THSD7A: variants seen among roughly 807,000 people sequenced by gnomAD.
THSD7A encodes thrombospondin type-1 domain-containing protein 7A.
A neutral mutation model predicts 231.3 loss-of-function variants in THSD7A; 96 were observed. The ratio of observed to expected loss-of-function variants is 0.41; its 90% CI spans 0.35 to 0.49. THSD7A has a LOEUF of 0.49. Among genes scored for constraint, THSD7A ranks in the 20% least tolerant of loss-of-function variants. The pLI is 0.05. For synonymous variants in THSD7A, 940 were observed against 743.3 expected (o/e 1.26, Z -4.30); for missense variants, 2,290 against 2,070.2 (o/e 1.11, Z -2.06).
chr7:11,818,782 T>G (rs1429451508), intron 1 of THSD7A, among the ~76,000 whole-genome samples: 1 of 152,212 alleles, frequency 6.6e-6, no homozygotes, highest in Non-Finnish European at 1.5e-5. Flanking sequence ...CCTTCTACTT[T>G]GGGATATCAT....
intron 13 of THSD7A, among the ~76,000 whole-genome samples, chr7:11,437,840 C>T (rs1410310368): frequency 1.3e-5 from 2 of 152,010 alleles, no homozygotes; most frequent in Non-Finnish European, 1.5e-5. Flanking sequence ...TAATACATTT[C>T]AGTTACTTTA....
intron 4 of THSD7A, among the ~76,000 whole-genome samples, chr7:11,589,251 A>G (rs1192908908): frequency 6.6e-6 from 1 of 151,774 alleles, no homozygotes; most frequent in East Asian, 1.9e-4. Flanking sequence ...CTTTCCTCTC[A>G]TCTCCTTTCC....
At chr7:11,715,630 C>G (rs1032906296) in intron 1 of THSD7A, among the ~76,000 whole-genome samples, 1 of 151,394 alleles carries the variant, frequency 6.6e-6, no homozygotes, top group Non-Finnish European at 1.5e-5. Context: ...AAATGGAATT[C>G]TATTTTTGCT....
Position 11,429,125 on chromosome 7 carries a change from C to G in THSD7A, c.3065G>C (p.Gly1022Ala). The change falls in exon 14 of 28, where the codon GGT becomes GCT. Residue 1022 changes from glycine to alanine, a missense_variant and splice_region_variant. By Grantham distance (60) the Gly-to-Ala change is moderately conservative (BLOSUM62 0). Coordinates refer to ENST00000423059, the MANE Select transcript of THSD7A (RefSeq NM_015204.3). ...LVETSRCNSH[G>A]YIEEACIIPC... Reference sequence around the variant, plus strand: ...GATGATGCAGGCCTCCTCAATGTAACCTGAGTAGAGGAAAATGAGACAAGA... The same window carrying G: ...GATGATGCAGGCCTCCTCAATGTAAGCTGAGTAGAGGAAAATGAGACAAGA... The G allele has an allele frequency of 6.4e-7, 1 of 1,573,512 alleles. No homozygotes were observed. Among genetic ancestry groups the G allele is most frequent in the Non-Finnish European group, 8.6e-7 (1 of 1,163,804 alleles).
At chr7:11,760,959 A>C (rs899510048) in intron 1 of THSD7A, among the ~76,000 whole-genome samples, 2 of 148,214 alleles carry the variant, frequency 1.3e-5, no homozygotes, top group Non-Finnish European at 3.0e-5. Context: ...ATAAATTATA[A>C]ATTATAATTT....
intron 6 of THSD7A, among the ~76,000 whole-genome samples, chr7:11,486,094 C>T (rs1786645297): frequency 6.6e-6 from 1 of 152,122 alleles, no homozygotes; most frequent in African/African-American, 2.4e-5. Flanking sequence ...CAGGCAACTT[C>T]ATAACTTGTC....
At chr7:11,485,213 C>T (rs17632075) in intron 6 of THSD7A, among the ~76,000 whole-genome samples, 20,195 of 151,996 alleles carry the variant, frequency 0.13, 1,494 homozygotes, top group Middle Eastern at 0.19. Flanking sequence ...TAAAAGATCC[C>T]CAGGTAATTT....
chr7:11,651,863 GTTCATCATCTGATGACA>G (rs1464830853), intron 1 of THSD7A, among the ~76,000 whole-genome samples: 3 of 151,848 alleles, frequency 2.0e-5, no homozygotes, highest in African/African-American at 7.3e-5. Flanking sequence ...TATATTCTAA[GTTCATCATCTGATGACA>G]TTATATTATC....
intron 1 of THSD7A, among the ~76,000 whole-genome samples, chr7:11,647,553 A>T (rs1261221841): frequency 6.6e-6 from 1 of 152,092 alleles, no homozygotes; most frequent in Non-Finnish European, 1.5e-5. Context: ...AGTGGATTTC[A>T]TTGTCATTGC....
chr7:11,709,361 A>G (rs1192943960), intron 1 of THSD7A, among the ~76,000 whole-genome samples: 1 of 150,792 alleles, frequency 6.6e-6, no homozygotes, highest in Non-Finnish European at 1.5e-5. Context: ...CTGAGATAAT[A>G]AAAATCTACT....
chr7:11,588,706 A>T (rs1029535856), intron 4 of THSD7A, among the ~76,000 whole-genome samples: 3 of 152,336 alleles, frequency 2.0e-5, no homozygotes, highest in East Asian at 3.9e-4. Flanking sequence ...CCTACAGGAC[A>T]TAATTGACAT....
At chr7:11,630,822 T>C (rs1462245015) in intron 2 of THSD7A, among the ~76,000 whole-genome samples, 1 of 152,258 alleles carries the variant, frequency 6.6e-6, no homozygotes, top group Non-Finnish European at 1.5e-5. Context: ...CCTTGTTCCT[T>C]GCTCTTCAAT....
chr7:11,651,473 T>C (rs1390416227), intron 1 of THSD7A, among the ~76,000 whole-genome samples: 1 of 139,368 alleles, frequency 7.2e-6, no homozygotes, highest in African/African-American at 2.7e-5. Context: ...ATCTATTATC[T>C]ATCTATCTAT....
In THSD7A at chr7:11,746,424, C is replaced by T. The variant is rs6950243; in HGVS notation, c.190+85333G>A. Among the ~76,000 whole-genome samples, 1,085 of 151,898 alleles carry T rather than the reference C, an allele frequency of 7.1e-3. 14 individuals carry two copies. Among genetic ancestry groups the T allele is most frequent in the African/African-American group, 0.025 (1,030 of 41,486 alleles). ...CTGTTCCAGGATCTAATCCAGAATCCCCCAATGCATTTTGTTGTCATATTT... is the reference window on the plus strand; with the variant it reads ...CTGTTCCAGGATCTAATCCAGAATCTCCCAATGCATTTTGTTGTCATATTT... On this transcript the variant is annotated intron_variant, in intron 1 of 27. Coordinates refer to ENST00000423059, the MANE Select transcript of THSD7A (RefSeq NM_015204.3).
intron 2 of THSD7A, among the ~76,000 whole-genome samples, chr7:11,611,302 A>G (rs1369607804): frequency 2.0e-5 from 3 of 152,042 alleles, no homozygotes; most frequent in Non-Finnish European, 4.4e-5. Flanking sequence ...TTTTACATAT[A>G]TGGATTTTCA....
At position 11,634,830 on chromosome 7, in the gene THSD7A, T is replaced by G. The variant is rs1027768865; in HGVS notation, c.1022+1300A>C. ...TCTATGATGAGAGAAAGTTATTGTC[T>G]TAGACAGACCAATCAATTTTTGTTT... On this transcript the variant is annotated intron_variant, in intron 2 of 27. Transcript: ENST00000423059. The surrounding 1 kb of genome is among the most constrained non-coding windows in gnomAD (Gnocchi z 4.1). 2.0e-5 allele frequency among the ~76,000 whole-genome samples: 3 copies of G among 152,150 alleles called. No homozygotes were observed. The highest frequency in any genetic ancestry group is 7.2e-5 in the African/African-American group (3 of 41,420).
chr7:11,720,712 A>G (rs1231609986), intron 1 of THSD7A, among the ~76,000 whole-genome samples: 1 of 151,766 alleles, frequency 6.6e-6, no homozygotes, highest in African/African-American at 2.4e-5. Context: ...TGGCTACTAT[A>G]GACATCTACA....
At chr7:11,425,983 C>T (rs1397421529) in intron 15 of THSD7A, among the ~76,000 whole-genome samples, 2 of 151,600 alleles carry the variant, frequency 1.3e-5, no homozygotes, top group Non-Finnish European at 2.9e-5. Flanking sequence ...GGGTGCAGCG[C>T]ACCAGCATGG....
At chr7:11,668,618 C>G (rs1009335960) in intron 1 of THSD7A, among the ~76,000 whole-genome samples, 1 of 151,806 alleles carries the variant, frequency 6.6e-6, no homozygotes, top group East Asian at 1.9e-4. Flanking sequence ...ATAAATGAAT[C>G]AAACAAACAA....
Sources: allele counts gnomAD v4.1 joint callset (sites outside exome capture counted in the v4.1 genomes callset), GRCh38; gene constraint gnomAD v4.1.1; non-coding constraint Gnocchi (gnomAD v3.1); transcripts MANE v1.5; gene names NCBI Gene and HGNC (gene_info 2026-07-23, HGNC 2026-07-21).